The following ASPM variants were observed in gnomAD, a reference collection of about 807,000 sequenced individuals.
ASPM encodes the protein assembly factor for spindle microtubules.
A neutral mutation model predicts 366.4 loss-of-function variants in ASPM; 256 were observed. That is an observed-to-expected ratio of 0.70 (90% CI 0.63 to 0.77). The LOEUF (loss-of-function observed/expected upper bound fraction) is 0.77, where lower values mean the gene tolerates loss of function less well. Among genes scored for constraint, ASPM ranks in the 30% least tolerant of loss-of-function variants. The pLI is 0.00. For synonymous variants in ASPM, 1,414 were observed against 1,342.9 expected, an observed-to-expected ratio of 1.05 and a Z score of -1.16; for missense variants, 4,146 against 4,090.4, an observed-to-expected ratio of 1.01 and a Z score of -0.37.
At chr1:197,141,287 C>T (rs892194982) in intron 3 of ASPM, among the ~76,000 whole-genome samples, 1 of 152,092 alleles carries the variant, frequency 6.6e-6, no homozygotes, top group African/African-American at 2.4e-5. Flanking sequence ...CAGCCATACT[C>T]CTTGATTTGC....
rs779536654 is a variant in ASPM, at chr1:197,104,255, A to G, written c.4996T>C (p.Tyr1666His). The change falls in exon 18 of 28, where the codon TAT (tyrosine) becomes CAT (histidine). Residue 1666 changes from tyrosine (Y) to histidine (H), a missense_variant. Physicochemically the swap from Tyr to His is moderately conservative, Grantham distance 83. Around this residue, in one of 3 missense-constraint regions of ASPM, gnomAD observed 3,624 missense variants for 3,591.7 expected, o/e 1.01. Coordinates refer to ENST00000367409, the MANE Select transcript of ASPM (RefSeq NM_018136.5). ...TCCTTTTTAGAAACATAAGCACGAT[A>G]ATATGATTGAATCTTTATAACAGAT... ...LTSVIKIQSY[Y>H]RAYVSKKEFL... 3 of 1,612,886 alleles carry G rather than the reference A, an allele frequency of 1.9e-6. No individual in the cohort carries two copies. The highest frequency in any genetic ancestry group is 2.2e-5 in the East Asian group (1 of 44,806).
At chr1:197,137,843 T>C (rs1658469225) in intron 4 of ASPM, among the ~76,000 whole-genome samples, 1 of 152,206 alleles carries the variant, frequency 6.6e-6, no homozygotes. Context: ...AATATTATCA[T>C]TCAAATGCAA....
chr1:197,106,379 C>G (rs1657409291), intron 17 of ASPM, among the ~76,000 whole-genome samples: 1 of 151,954 alleles, frequency 6.6e-6, no homozygotes, highest in African/African-American at 2.4e-5. Context: ...ACAATAAACT[C>G]TACATAAAGT....
intron 17 of ASPM, among the ~76,000 whole-genome samples, chr1:197,106,288 T>A (rs952511285): frequency 6.6e-6 from 1 of 152,108 alleles, no homozygotes; most frequent in Admixed American, 6.6e-5. Flanking sequence ...ATACATTTTA[T>A]CTTACCAAGA....
In ASPM at chr1:197,143,492, C is replaced by T. The variant is rs1422141254; in HGVS notation, c.760G>A (p.Glu254Lys). 1 of 1,613,880 alleles carries T rather than the reference C, an allele frequency of 6.2e-7. No homozygotes were observed. The highest frequency in any genetic ancestry group is 1.1e-5 in the South Asian group (1 of 91,084). ...TGTACATTTAATAGTTCCCTATTTT[C>T]TGATGCATGAAGAGATGAGTAGGTA... ...STTYSSLHAS[E>K]NRELLNVHSA... The change falls in exon 3 of 28, where the codon GAA becomes AAA. Residue 254 changes from glutamate to lysine, a missense_variant. Glu to Lys is a moderately conservative substitution (Grantham distance 56). This residue lies in a region of ASPM where 512 missense variants were observed against 471.7 expected (regional missense o/e 1.09). Transcript: ENST00000367409.
intron 4 of ASPM, chr1:197,139,445 A>T: frequency 1.8e-6 from 1 of 552,986 alleles, no homozygotes; most frequent in Non-Finnish European, 3.2e-6. Context: ...AAATACAAAA[A>T]AATTAGCCGG....
chr1:197,142,713 A>T lies in ASPM; in HGVS notation c.1539T>A (p.Asn513Lys). Residue 513 changes from asparagine (N) to lysine (K), a missense_variant, in exon 3 of 28, where the codon AAT (asparagine) becomes AAA (lysine). Asn to Lys is a moderately conservative substitution (Grantham distance 94, BLOSUM62 0). Around this residue, in one of 3 missense-constraint regions of ASPM, gnomAD observed 3,624 missense variants for 3,591.7 expected, o/e 1.01. Transcript: ENST00000367409. ...TGAGACATCTTTTTGCTTTTGGTTTATTAATCTCAGTTTGGTTTTCTCTGG... is the reference window on the plus strand; with the variant it reads ...TGAGACATCTTTTTGCTTTTGGTTTTTTAATCTCAGTTTGGTTTTCTCTGG... ...TCTRENQTEINKPKAKRCLNS... is the reference protein window; with the variant it reads ...TCTRENQTEIKKPKAKRCLNS... The T allele has an allele frequency of 6.2e-7, 1 of 1,613,886 alleles. No homozygotes were observed. The highest frequency in any genetic ancestry group is 1.1e-5 in the South Asian group (1 of 91,074).
Position 197,142,446 on chromosome 1 carries a change from G to T in ASPM, c.1806C>A (p.Ile602=). Residue 602 remains isoleucine (I), a synonymous_variant, in exon 3 of 28, where the codon ATC becomes ATA. Coordinates refer to ENST00000367409, the MANE Select transcript of ASPM (RefSeq NM_018136.5). ...TTTTAGGCTCTGAGGGAGAAAAATG[G>T]ATTCTTTTGATTTCTCGCACTTCTG... is the stretch of plus-strand genomic sequence containing the variant. ...EHTEVREIKR[I]HFSPSEPKTS... 1 of 1,613,908 alleles carries T rather than the reference G, an allele frequency of 6.2e-7. No homozygotes were observed. The highest frequency in any genetic ancestry group is 8.5e-7 in the Non-Finnish European group (1 of 1,179,830).
chr1:197,128,387 T>C, intron 10 of ASPM, 103 bp downstream of exon 10: 1 of 1,216,724 alleles, frequency 8.2e-7, no homozygotes. Flanking sequence ...CTAAATTTAT[T>C]GTACTACTTG....
chr1:197,097,334 A>T (rs1409869493), intron 18 of ASPM, among the ~76,000 whole-genome samples: 1 of 151,694 alleles, frequency 6.6e-6, no homozygotes, highest in African/African-American at 2.4e-5. Context: ...CCCTGCACAG[A>T]TCTCCCCATG....
Position 197,084,985 on chromosome 1 carries a change from C to T in ASPM, c.10332-559G>A, listed in dbSNP as rs990815740. On this transcript the variant is annotated intron_variant, in intron 27 of 27. Coordinates refer to ENST00000367409, the MANE Select transcript of ASPM (RefSeq NM_018136.5). The stretch of plus-strand genomic sequence containing the variant: ...AGTCATTGAACCAGTTCTTCTACCC[C>T]ACTGAGATCTCCACTTCATTTGGCC... 3.9e-5 allele frequency among the ~76,000 whole-genome samples: 6 copies of T among 152,268 alleles called. No homozygotes were observed. In the East Asian group the frequency reaches 9.7e-4, roughly 24 times the overall value.
chr1:197,130,176 TG>T, intron 7 of ASPM, 120 bp from the exon 8 acceptor site: 3 of 1,042,402 alleles, frequency 2.9e-6, no homozygotes, highest in Non-Finnish European at 4.3e-6. Context: ...CTAAATGACA[TG>T]GTTATTTGCT....
intron 27 of ASPM, among the ~76,000 whole-genome samples, chr1:197,085,054 C>T (rs1050522754): frequency 6.6e-6 from 1 of 152,166 alleles, no homozygotes; most frequent in African/African-American, 2.4e-5. Context: ...CCTTACTTTC[C>T]TGTGTATCTA....
At position 197,142,568 on chromosome 1, in the gene ASPM, C is replaced by A. The variant is rs1203356336; in HGVS notation, c.1684G>T (p.Val562Leu). Residue 562 changes from valine (V) to leucine (L), a missense_variant, in exon 3 of 28, where the codon GTA becomes TTA. Val to Leu is a conservative substitution (Grantham distance 32). Transcript: ENST00000367409. ...GAAGCTGTTGTCGAAGAGGGTGTTA[C>A]CTCGTTTTTATAACTCTTAGATTTA... ...LSKSKSYKNE[V>L]TPSSTTASVA... 2 of 1,613,890 alleles carry A rather than the reference C, an allele frequency of 1.2e-6. No homozygotes were observed. Among genetic ancestry groups the A allele is most frequent in the African/African-American group, 1.3e-5 (1 of 75,030 alleles).
chr1:197,104,728 T>A lies in ASPM; in HGVS notation c.4523A>T (p.Lys1508Ile). 1 of 1,608,856 alleles carries A rather than the reference T, an allele frequency of 6.2e-7. No homozygotes were observed. The highest frequency in any genetic ancestry group is 8.5e-7 in the Non-Finnish European group (1 of 1,178,040). ...GGTTAGTATGGACTCTTTTCTTCTT[T>A]TATATAACTTTTGGGCTTGAAAGCA... ...FRCFQAQKLY[K>I]RRKESILTIQ... The change falls in exon 18 of 28, where the codon AAA (lysine) becomes ATA (isoleucine). Residue 1508 changes from lysine (K) to isoleucine (I), a missense_variant. Coordinates refer to ENST00000367409, the MANE Select transcript of ASPM (RefSeq NM_018136.5).
chr1:197,129,042 C>A (rs919804779), intron 9 of ASPM, 145 bp downstream of exon 9: 2 of 834,428 alleles, frequency 2.4e-6, no homozygotes, highest in South Asian at 3.8e-5. Flanking sequence ...TGATGGGACT[C>A]ACCAGACAGG....
chr1:197,117,801 T>G lies in ASPM; in HGVS notation c.4053A>C (p.Ala1351=), dbSNP rs147209201. Residue 1351 remains alanine (A), a synonymous_variant, in exon 17 of 28, where the codon GCA becomes GCC. Coordinates refer to ENST00000367409, the MANE Select transcript of ASPM (RefSeq NM_018136.5). ...EKLEKVQNKA[A]SLIQGYWRRY... is the part of the protein sequence containing the mutation. ...CAGGATACTATACCTGAATAAGTGA[T>G]GCTGCTTTATTTTGAACTTTTTCCA... 1.1e-4 allele frequency: 183 copies of G among 1,612,106 alleles called. 1 individual carries two copies. The highest frequency in any genetic ancestry group is 1.5e-4 in the Non-Finnish European group (179 of 1,179,206).
At position 197,144,118 on chromosome 1, in the gene ASPM, C is replaced by CATTATGTAATTACTATTGTA; in HGVS notation, c.298-19_298-18insTACAATAGTAATTACATAAT. On this transcript the variant is annotated intron_variant, in intron 1 of 27. Coordinates refer to ENST00000367409, the MANE Select transcript of ASPM (RefSeq NM_018136.5). ...TCTTTAGGCTATAATCAAAACAATA[C>CATTATGTAATTACTATTGTA]ATTATATAATTACAATAGTAATTAC... The CATTATGTAATTACTATTGTA allele has an allele frequency of 2.6e-6, 4 of 1,536,858 alleles. No individual in the cohort carries two copies. The highest frequency in any genetic ancestry group is 3.6e-6 in the Non-Finnish European group (4 of 1,110,926).
At chr1:197,107,507 C>G (rs940996594) in intron 17 of ASPM, among the ~76,000 whole-genome samples, 4 of 152,094 alleles carry the variant, frequency 2.6e-5, no homozygotes, top group African/African-American at 9.6e-5. Flanking sequence ...CATTAAATTT[C>G]CAGAATGCAA....
Sources: gnomAD v4.1 joint callset for allele counts (sites outside exome capture counted in the v4.1 genomes callset) on GRCh38, gnomAD v4.1.1 for gene constraint, gnomAD v4.1.1 regional missense constraint, MANE v1.5 for transcripts, NCBI Gene and HGNC (gene_info 2026-07-23, HGNC 2026-07-21) for gene names.